Variants in ELMO1 observed in about 807,000 individuals in gnomAD.
ELMO1 encodes the protein engulfment and cell motility protein 1.
Under a neutral mutation model 98.9 loss-of-function variants are expected in ELMO1, and 26 were observed. The observed-to-expected ratio is 0.26, with a 90% confidence interval of 0.19 to 0.36. The LOEUF (loss-of-function observed/expected upper bound fraction) is 0.36, where lower values mean the gene tolerates loss of function less well. Ranked by LOEUF, ELMO1 falls within the 10% of genes least tolerant of loss-of-function variation. The pLI, the probability that ELMO1 is intolerant of heterozygous loss-of-function variation, is 1.00. For synonymous variants in ELMO1, 346 were observed against 346.0 expected (o/e 1.00, Z 0.00); for missense variants, 627 against 935.2 (o/e 0.67, Z 4.30).
rs200238919 is a variant in ELMO1, at chr7:37,315,984, T to C, written c.79-24A>G. On this transcript the variant is annotated intron_variant, in intron 2 of 21. Coordinates refer to ENST00000310758, the MANE Select transcript of ELMO1 (RefSeq NM_014800.11). ...TTCTGCAAAATAACAAAAAAGGAAA[T>C]ACTTGTTAGTTTCGTTTCATCATTT... The C allele has an allele frequency of 1.4e-4, 193 of 1,343,454 alleles. 1 individual carries two copies. The highest frequency in any genetic ancestry group is 1.8e-4 in the Non-Finnish European group (184 of 1,023,840). The allele number at this position is 1,343,454 out of a possible 1,614,324, so 83.2% of individuals were successfully genotyped here.
At chr7:37,078,452 C>T (rs1797700309) in intron 15 of ELMO1, among the ~76,000 whole-genome samples, 1 of 152,126 alleles carries the variant, frequency 6.6e-6, no homozygotes. Flanking sequence ...TAATATCTCC[C>T]TATATATGAT....
intron 1 of ELMO1, among the ~76,000 whole-genome samples, chr7:37,364,465 C>T (rs1801819674): frequency 6.6e-6 from 1 of 152,146 alleles, no homozygotes; most frequent in African/African-American, 2.4e-5. Context: ...ACCTAAATAC[C>T]TAAATGTTCA....
At chr7:37,138,298 T>TAA (rs140761834) in intron 13 of ELMO1, among the ~76,000 whole-genome samples, 1,600 of 146,592 alleles carry the variant, frequency 0.011, 20 homozygotes, top group African/African-American at 0.028. Flanking sequence ...TTTGAAAAGA[T>TAA]AAAAAAAAAA....
At chr7:37,018,198 C>T (rs771482481) in intron 15 of ELMO1, among the ~76,000 whole-genome samples, 1 of 151,168 alleles carries the variant, frequency 6.6e-6, no homozygotes, top group Non-Finnish European at 1.5e-5. Flanking sequence ...GTGATCTCAG[C>T]TCACCACAAC....
Position 37,233,296 on chromosome 7 carries a change from A to G in ELMO1, c.450-102T>C, listed in dbSNP as rs905515567. On this transcript the variant is annotated intron_variant, in intron 7 of 21. Coordinates refer to ENST00000310758, the MANE Select transcript of ELMO1 (RefSeq NM_014800.11). ...AAGTGAATACAAGCAGAATTTTAAAAGATCAAGAGACAAATAGCAGGACCA... is the reference window on the plus strand; with the variant it reads ...AAGTGAATACAAGCAGAATTTTAAAGGATCAAGAGACAAATAGCAGGACCA... 51 of 936,774 alleles carry G rather than the reference A, an allele frequency of 5.4e-5. No individual in the cohort carries two copies. In the African/African-American group the frequency reaches 8.2e-4, roughly 15 times the overall value. 58.0% of individuals were successfully genotyped at this position (936,774 alleles called of 1,614,324 possible). A position where few individuals can be genotyped will look rare whatever the true frequency, so the allele number is the denominator to read the frequency against.
chr7:37,356,968 C>T (rs940596817), intron 1 of ELMO1, among the ~76,000 whole-genome samples: 1 of 152,088 alleles, frequency 6.6e-6, no homozygotes, highest in African/African-American at 2.4e-5. Flanking sequence ...CCCAAAGACC[C>T]TCTTTCCAGA....
At chr7:36,993,273 C>T (rs923557155) in intron 16 of ELMO1, among the ~76,000 whole-genome samples, 1 of 152,166 alleles carries the variant, frequency 6.6e-6, no homozygotes, top group Non-Finnish European at 1.5e-5. Flanking sequence ...AGGGTGAGTC[C>T]TGTTTAAACC....
At chr7:37,435,766 G>T (rs1805117280) in intron 1 of ELMO1, among the ~76,000 whole-genome samples, 1 of 152,166 alleles carries the variant, frequency 6.6e-6, no homozygotes, top group Admixed American at 6.5e-5. Context: ...CAACGCTTAT[G>T]ACTGGAAGGA....
chr7:37,003,415 T>C (rs1792826664), intron 16 of ELMO1, among the ~76,000 whole-genome samples: 1 of 152,208 alleles, frequency 6.6e-6, no homozygotes, highest in Non-Finnish European at 1.5e-5. Flanking sequence ...CTGCCAAATG[T>C]AGCCTTACTT....
chr7:37,307,369 A>G (rs1041538975), intron 4 of ELMO1, among the ~76,000 whole-genome samples: 2 of 151,774 alleles, frequency 1.3e-5, no homozygotes, highest in African/African-American at 4.8e-5. Context: ...TCCCCACTTC[A>G]CTCTGCACTT....
At chr7:37,332,014 A>G (rs749586055) in intron 2 of ELMO1, among the ~76,000 whole-genome samples, 5 of 152,194 alleles carry the variant, frequency 3.3e-5, no homozygotes, top group Non-Finnish European at 4.4e-5. Context: ...GTGGTCAACG[A>G]AGAAATGACA....
At chr7:37,373,557 C>T (rs947811951) in intron 1 of ELMO1, among the ~76,000 whole-genome samples, 2 of 151,040 alleles carry the variant, frequency 1.3e-5, no homozygotes, top group Non-Finnish European at 2.9e-5. Context: ...TGTGGTGAGC[C>T]GAGATCATCC....
intron 14 of ELMO1, among the ~76,000 whole-genome samples, chr7:37,118,135 A>T (rs1286133429): frequency 6.6e-6 from 1 of 152,170 alleles, no homozygotes; most frequent in Non-Finnish European, 1.5e-5. Context: ...GGAACCGCCA[A>T]ATTCCCCCTT....
At chr7:37,207,231 C>T (rs999649182) in intron 13 of ELMO1, among the ~76,000 whole-genome samples, 21 of 152,188 alleles carry the variant, frequency 1.4e-4, no homozygotes, top group Non-Finnish European at 1.5e-5. Flanking sequence ...AATCCATATG[C>T]CCTTCCTTAG....
chr7:37,207,491 C>A (rs1264743858), intron 13 of ELMO1, among the ~76,000 whole-genome samples: 1 of 151,934 alleles, frequency 6.6e-6, no homozygotes, highest in Non-Finnish European at 1.5e-5. Flanking sequence ...ATGGAGGTTA[C>A]AGTGAGCAAA....
chr7:37,121,324 T>C (rs1318588335), intron 14 of ELMO1, among the ~76,000 whole-genome samples: 1 of 152,134 alleles, frequency 6.6e-6, no homozygotes, highest in East Asian at 1.9e-4. Flanking sequence ...ATCAAACTTC[T>C]CTGAGCTAAA....
At chr7:37,220,151 C>T (rs1408839626) in intron 10 of ELMO1, among the ~76,000 whole-genome samples, 1 of 152,224 alleles carries the variant, frequency 6.6e-6, no homozygotes, top group Admixed American at 6.5e-5. Flanking sequence ...ACAAACTTTT[C>T]TTCATTATGA....
intron 13 of ELMO1, among the ~76,000 whole-genome samples, chr7:37,180,752 T>C (rs1349955160): frequency 6.6e-6 from 1 of 152,056 alleles, no homozygotes; most frequent in Non-Finnish European, 1.5e-5. Context: ...TAAAGTGTTT[T>C]TTTGGGGAAA....
intron 14 of ELMO1, among the ~76,000 whole-genome samples, chr7:37,128,124 C>T (rs888494001): frequency 2.6e-5 from 4 of 152,134 alleles, no homozygotes; most frequent in Non-Finnish European, 5.9e-5. Flanking sequence ...ACCCAGGACA[C>T]GGAGACTGTG....
Sources: gnomAD v4.1 joint callset for allele counts (sites outside exome capture counted in the v4.1 genomes callset) on GRCh38, gnomAD v4.1.1 for gene constraint, MANE v1.5 for transcripts, NCBI Gene and HGNC (gene_info 2026-07-23, HGNC 2026-07-21) for gene names.